PGM5: variants seen among roughly 807,000 people sequenced by gnomAD.
PGM5 encodes phosphoglucomutase-like protein 5.
In PGM5, 23 loss-of-function variants were observed where a neutral mutation model predicts 59.2. The ratio of observed to expected loss-of-function variants is 0.39; its 90% CI spans 0.28 to 0.55. PGM5 has a LOEUF of 0.55. Among genes scored for constraint, PGM5 ranks in the 20% least tolerant of loss-of-function variants. PGM5 has a pLI of 0.66. For missense variants in PGM5, 574 were observed against 748.3 expected (o/e 0.77, Z 2.72); for synonymous variants, 214 against 286.0 (o/e 0.75, Z 2.54).
At chr9:68,374,385 A>C (rs1374815422) in intron 1 of PGM5, among the ~76,000 whole-genome samples, 3 of 149,606 alleles carry the variant, frequency 2.0e-5, no homozygotes, top group African/African-American at 7.4e-5. Flanking sequence ...ATAATTTATC[A>C]TGACTTTGGG....
chr9:68,493,928 C>T (rs1174086641), intron 9 of PGM5, among the ~76,000 whole-genome samples: 1 of 152,182 alleles, frequency 6.6e-6, no homozygotes, highest in Non-Finnish European at 1.5e-5. Flanking sequence ...AATCATTCTT[C>T]ACTGGGACAA....
rs542955590 is a variant in PGM5, at chr9:68,470,774, C to T, written c.1159+5566C>T. On this transcript the variant is annotated intron_variant, in intron 7 of 10. Transcript: ENST00000396396. Reference sequence around the variant, plus strand: ...TAAATTTGGCTGGGTTGCAGATGTGCGGTGTGGAGGCCATGATGACAGCAT... The same window carrying T: ...TAAATTTGGCTGGGTTGCAGATGTGTGGTGTGGAGGCCATGATGACAGCAT... Among the ~76,000 whole-genome samples the T allele has an allele frequency of 2.6e-5, 4 of 152,108 alleles. No individual in the cohort carries two copies. The South Asian group carries it at 8.3e-4, about 32-fold the overall frequency.
chr9:68,408,770 T>A (rs1314333699), intron 6 of PGM5, among the ~76,000 whole-genome samples: 1 of 152,196 alleles, frequency 6.6e-6, no homozygotes, highest in Non-Finnish European at 1.5e-5. Context: ...AAGGAAGGGA[T>A]CCAGTTTCAG....
At chr9:68,509,931 T>C (rs1554689257) in intron 10 of PGM5, among the ~76,000 whole-genome samples, 1 of 152,058 alleles carries the variant, frequency 6.6e-6, no homozygotes. Context: ...TAGCTAACCC[T>C]GGGAAGAACA....
chr9:68,499,143 T>C, intron 9 of PGM5, 84 bp from the exon 10 acceptor site: 5 of 1,436,428 alleles, frequency 3.5e-6, no homozygotes, highest in Non-Finnish European at 4.9e-6. Flanking sequence ...TATAAAAACA[T>C]GCTGATTTCT....
intron 9 of PGM5, among the ~76,000 whole-genome samples, chr9:68,495,147 T>C (rs1215397008): frequency 6.6e-6 from 1 of 152,194 alleles, no homozygotes; most frequent in African/African-American, 2.4e-5. Context: ...AGTCCAAAAT[T>C]TTAAGGTTAA....
chr9:68,423,190 T>G (rs1454187258), intron 6 of PGM5, among the ~76,000 whole-genome samples: 3 of 151,644 alleles, frequency 2.0e-5, no homozygotes, highest in African/African-American at 7.3e-5. Flanking sequence ...AACATGCATG[T>G]GCAAGTATCT....
intron 10 of PGM5, among the ~76,000 whole-genome samples, chr9:68,523,341 C>T (rs1824925885): frequency 1.3e-5 from 2 of 152,150 alleles, no homozygotes; most frequent in Admixed American, 6.5e-5. Context: ...TTGGAAATGT[C>T]AGTTCTTGGG....
chr9:68,465,266 A>G, intron 7 of PGM5, 58 bp downstream of exon 7: 1 of 1,110,852 alleles, frequency 9.0e-7, no homozygotes, highest in Non-Finnish European at 1.4e-6. Context: ...TTGTGATCTC[A>G]GTTTGGAGAT....
intron 8 of PGM5, among the ~76,000 whole-genome samples, chr9:68,482,377 G>A (rs1311125760): frequency 6.6e-6 from 1 of 152,042 alleles, no homozygotes; most frequent in Non-Finnish European, 1.5e-5. Flanking sequence ...GAAAAAGAAT[G>A]TTCTGAGGGA....
At chr9:68,378,572 G>C (rs1268709626) in intron 2 of PGM5, among the ~76,000 whole-genome samples, 4 of 152,026 alleles carry the variant, frequency 2.6e-5, no homozygotes, top group Non-Finnish European at 5.9e-5. Flanking sequence ...GTACTCTTCA[G>C]CATAAACTAT....
At chr9:68,425,523 A>G (rs1199152696) in intron 6 of PGM5, among the ~76,000 whole-genome samples, 5 of 152,188 alleles carry the variant, frequency 3.3e-5, no homozygotes, top group African/African-American at 4.8e-5. Context: ...TACATAATGG[A>G]GAAAAAAACC....
rs7868457 is a variant in PGM5, at chr9:68,456,522, C to A, written c.1044-8571C>A. 2.5e-3 allele frequency among the ~76,000 whole-genome samples: 375 copies of A among 150,924 alleles called. 2 individuals carry two copies. The highest frequency in any genetic ancestry group is 8.6e-3 in the African/African-American group (351 of 41,040). On this transcript the variant is annotated intron_variant, in intron 6 of 10. Coordinates refer to ENST00000396396, the MANE Select transcript of PGM5 (RefSeq NM_021965.4). ...TTTTAGTAGAGATGGGGTTTCACCCCATCAGCCAGGATGGTCTCGATCTCC... is the reference window on the plus strand; with the variant it reads ...TTTTAGTAGAGATGGGGTTTCACCCAATCAGCCAGGATGGTCTCGATCTCC...
intron 7 of PGM5, among the ~76,000 whole-genome samples, chr9:68,472,228 T>C (rs532498195): frequency 4.6e-5 from 7 of 152,290 alleles, no homozygotes; most frequent in South Asian, 4.1e-4. Context: ...TAGGGAGGAA[T>C]GTCAAGCCGC....
At chr9:68,479,314 C>T (rs4237245) in intron 7 of PGM5, 104 bp from the exon 8 acceptor site, 54,725 of 1,035,838 alleles carry the variant, frequency 0.053, 4,776 homozygotes, top group East Asian at 0.41. Flanking sequence ...ATGATCCAAT[C>T]ATTTCTACAT....
At chr9:68,477,803 C>T (rs889346971) in intron 7 of PGM5, among the ~76,000 whole-genome samples, 8 of 152,138 alleles carry the variant, frequency 5.3e-5, no homozygotes, top group Non-Finnish European at 1.2e-4. Context: ...GACAGTAACC[C>T]CATGGGGTAG....
chr9:68,485,792 C>T (rs7867443), intron 9 of PGM5, among the ~76,000 whole-genome samples: 5,118 of 152,242 alleles, frequency 0.034, 300 homozygotes, highest in African/African-American at 0.12. Context: ...TTCCCAGATT[C>T]CAGGACCCAG....
intron 10 of PGM5, among the ~76,000 whole-genome samples, chr9:68,513,954 A>G (rs1554689555): frequency 6.6e-6 from 1 of 152,198 alleles, no homozygotes; most frequent in African/African-American, 2.4e-5. Context: ...CTTTTAATGG[A>G]TAAGATTTGA....
chr9:68,395,792 A>ATTCT (rs1822483973), intron 6 of PGM5: 1 of 152,120 alleles, frequency 6.6e-6, no homozygotes, highest in Non-Finnish European at 1.5e-5. Flanking sequence ...GGGGAGAAGA[A>ATTCT]TCACCTACCT....
Sources: allele counts gnomAD v4.1 joint callset (sites outside exome capture counted in the v4.1 genomes callset), GRCh38; gene constraint gnomAD v4.1.1; transcripts MANE v1.5; gene names NCBI Gene and HGNC (gene_info 2026-07-23, HGNC 2026-07-21).